DNAH11: variants seen among roughly 807,000 people sequenced by gnomAD.
DNAH11 encodes the protein dynein axonemal heavy chain 11.
A neutral mutation model predicts 526.0 loss-of-function variants in DNAH11; 442 were observed. The observed-to-expected ratio is 0.84, with a 90% confidence interval of 0.78 to 0.91. The LOEUF is 0.91. DNAH11 is among the 40% of genes least tolerant of loss of function. The pLI, the probability that DNAH11 is intolerant of heterozygous loss-of-function variation, is 0.00. For missense variants in DNAH11, 6,989 were observed against 5,448.7 expected (o/e 1.28, Z -8.90); for synonymous variants, 2,461 against 1,935.9 (o/e 1.27, Z -7.12).
rs1230598537 is a variant in DNAH11, at chr7:21,717,872, C to A, written c.7081C>A (p.Leu2361Met). ...ATATGTCCCTGCATGCTTGGATAAA[C>A]TGAGAACAAGCTTTAAAACCATCAC... ...DKYVPACLDK[L>M]RTSFKTITSI... Residue 2361 changes from leucine to methionine, a missense_variant, in exon 43 of 82, where the codon CTG (leucine) becomes ATG (methionine). By Grantham distance (15) the Leu-to-Met change is conservative. Transcript: ENST00000409508. 7 of 1,613,760 alleles carry A rather than the reference C, an allele frequency of 4.3e-6. No homozygotes were observed. The highest frequency in any genetic ancestry group is 5.9e-6 in the Non-Finnish European group (7 of 1,179,820).
At chr7:21,734,057 T>A (rs796201742) in intron 45 of DNAH11, among the ~76,000 whole-genome samples, 3 of 152,308 alleles carry the variant, frequency 2.0e-5, no homozygotes, top group African/African-American at 7.2e-5. Context: ...CCAGGCAGCC[T>A]GGCTCCAGAG....
At chr7:21,566,305 C>G (rs974013382) in intron 6 of DNAH11, among the ~76,000 whole-genome samples, 6 of 152,082 alleles carry the variant, frequency 3.9e-5, no homozygotes, top group African/African-American at 1.4e-4. Context: ...TGGCTTCTAT[C>G]CAAAGGTTTC....
At chr7:21,898,268 G>A (rs974882472) in intron 79 of DNAH11, among the ~76,000 whole-genome samples, 1 of 151,936 alleles carries the variant, frequency 6.6e-6, no homozygotes, top group East Asian at 1.9e-4. Flanking sequence ...TCTTATCGTC[G>A]AGTATGCTTT....
At chr7:21,674,291 G>T (rs1782771472) in intron 30 of DNAH11, among the ~76,000 whole-genome samples, 1 of 152,018 alleles carries the variant, frequency 6.6e-6, no homozygotes. Flanking sequence ...CCTGATCTCA[G>T]GTGATCCACC....
At chr7:21,754,777 T>TC (rs1786558474) in intron 54 of DNAH11, among the ~76,000 whole-genome samples, 1 of 152,216 alleles carries the variant, frequency 6.6e-6, no homozygotes, top group Non-Finnish European at 1.5e-5. Flanking sequence ...AGGCTAATGG[T>TC]CAGCACCATG....
intron 49 of DNAH11, among the ~76,000 whole-genome samples, chr7:21,742,397 G>C (rs955382158): frequency 6.6e-6 from 1 of 152,136 alleles, no homozygotes; most frequent in Non-Finnish European, 1.5e-5. Context: ...TGGGGAGCCA[G>C]CATTTCACAT....
intron 74 of DNAH11, among the ~76,000 whole-genome samples, chr7:21,876,814 A>G (rs1183548792): frequency 6.6e-6 from 1 of 152,256 alleles, no homozygotes; most frequent in Non-Finnish European, 1.5e-5. Flanking sequence ...CTACAAGTTA[A>G]CAAACAGAAA....
intron 49 of DNAH11, among the ~76,000 whole-genome samples, chr7:21,743,772 C>A (rs935562909): frequency 7.9e-5 from 12 of 152,154 alleles, no homozygotes; most frequent in African/African-American, 2.9e-4. Context: ...AGAGGACTGC[C>A]TGCTCACCCT....
At chr7:21,610,429 C>G (rs1273586737) in intron 20 of DNAH11, among the ~76,000 whole-genome samples, 1 of 152,010 alleles carries the variant, frequency 6.6e-6, no homozygotes, top group Admixed American at 6.5e-5. Context: ...AAACCTAAAT[C>G]ATCTCTGGAA....
At chr7:21,833,603 G>C (rs924969539) in intron 65 of DNAH11, among the ~76,000 whole-genome samples, 2 of 152,132 alleles carry the variant, frequency 1.3e-5, no homozygotes, top group Non-Finnish European at 2.9e-5. Context: ...GCTGAGGCAG[G>C]AGAATCGCTT....
chr7:21,725,727 G>C, intron 44 of DNAH11, 84 bp from the exon 45 acceptor site: 1 of 1,379,012 alleles, frequency 7.3e-7, no homozygotes, highest in Non-Finnish European at 9.9e-7. Context: ...CTACCCCTAT[G>C]ATATTGTTAC....
intron 28 of DNAH11, among the ~76,000 whole-genome samples, chr7:21,645,560 A>C (rs2893046): frequency 0.096 from 14,592 of 152,100 alleles, 1,326 homozygotes; most frequent in Admixed American, 0.25. Flanking sequence ...AATAAAATAA[A>C]ACTGGAACTC....
intron 74 of DNAH11, 71 bp from the exon 75 acceptor site, chr7:21,880,631 T>G (rs567513558): frequency 1.0e-4 from 161 of 1,539,840 alleles, no homozygotes; most frequent in Middle Eastern, 9.0e-4. Flanking sequence ...ACAAGATTAT[T>G]GAAAACGCAG....
At chr7:21,643,610 T>G (rs145065018) in intron 28 of DNAH11, among the ~76,000 whole-genome samples, 90 of 152,334 alleles carry the variant, frequency 5.9e-4, no homozygotes, top group South Asian at 8.3e-4. Context: ...TGCAATTGAT[T>G]TAAATCCAAA....
At chr7:21,804,671 C>T (rs1327853436) in intron 62 of DNAH11, among the ~76,000 whole-genome samples, 1 of 152,262 alleles carries the variant, frequency 6.6e-6, no homozygotes, top group South Asian at 2.1e-4. Flanking sequence ...CAGGTTCATT[C>T]CAAATCCTAG....
rs72657346 is a variant in DNAH11 at position 21,705,746 on chromosome 7, A to G, written c.6546+209A>G. On this transcript the variant is annotated intron_variant, in intron 39 of 81. Coordinates refer to ENST00000409508, the MANE Select transcript of DNAH11 (RefSeq NM_001277115.2). ...TCAGCGGGGGGAGAACAAGAAACAA[A>G]TAGAGGATTGCATTCACATAGGAAA... 9.1e-3 allele frequency among the ~76,000 whole-genome samples: 1,385 copies of G among 152,294 alleles called. 15 individuals carry two copies. The highest frequency in any genetic ancestry group is 0.013 in the Non-Finnish European group (881 of 68,030).
chr7:21,770,444 GTTTTGGC>G lies in DNAH11; in HGVS notation c.9103-3315_9103-3309del, dbSNP rs984757394. Among the ~76,000 whole-genome samples, 26 of 152,144 alleles carry G rather than the reference GTTTTGGC, an allele frequency of 1.7e-4. 1 individual carries two copies. Among genetic ancestry groups the G allele is most frequent in the African/African-American group, 5.5e-4 (23 of 41,444 alleles). On this transcript the variant is annotated intron_variant, in intron 55 of 81. Transcript: ENST00000409508. ...GTGGTGTTAAATTCACACTCAGAAA[GTTTTGGC>G]TTTTGGAGCATTTCAGATTTTCAAT... is the stretch of plus-strand genomic sequence containing the variant.
At chr7:21,599,698 CTTCTT>C in intron 14 of DNAH11, 84 bp from the exon 15 acceptor site, 1 of 1,054,354 alleles carries the variant, frequency 9.5e-7, no homozygotes, top group Non-Finnish European at 1.3e-6. Flanking sequence ...AATGCAGTCT[CTTCTT>C]TTACAAACTA....
Position 21,600,797 on chromosome 7 carries a change from G to A in DNAH11, c.3122G>A (p.Trp1041Ter), listed in dbSNP as rs878854441. 1.9e-6 allele frequency: 3 copies of A among 1,613,896 alleles called. No homozygotes were observed. The highest frequency in any genetic ancestry group is 1.7e-6 in the Non-Finnish European group (2 of 1,179,842). The change falls in exon 16 of 82, where the codon TGG becomes TAG. Residue 1041 changes from tryptophan to a stop codon, truncating the protein, a stop_gained. Coordinates refer to ENST00000409508, the MANE Select transcript of DNAH11 (RefSeq NM_001277115.2). LOFTEE classifies it high-confidence loss of function. ...RNTLETHTYL[W>*]VDDRAEFMKH... ...ACCCTGGAGACCCACACTTACCTCT[G>A]GGTGGATGATCGAGCTGAGTTTATG... is the stretch of plus-strand genomic sequence containing the variant.
Sources: gnomAD v4.1 joint callset for allele counts (sites outside exome capture counted in the v4.1 genomes callset) on GRCh38, gnomAD v4.1.1 for gene constraint, MANE v1.5 for transcripts, NCBI Gene and HGNC (gene_info 2026-07-23, HGNC 2026-07-21) for gene names.